KIAA0825: variants seen among roughly 807,000 people sequenced by gnomAD.
KIAA0825 encodes uncharacterized protein KIAA0825.
A neutral mutation model predicts 147.6 loss-of-function variants in KIAA0825; 119 were observed. The ratio of observed to expected loss-of-function variants is 0.81; its 90% CI spans 0.69 to 0.94. The LOEUF is 0.94. Among genes scored for constraint, KIAA0825 ranks in the 40% least tolerant of loss-of-function variants. KIAA0825 has a pLI of 0.00. For synonymous variants in KIAA0825, 470 were observed against 518.1 expected (o/e 0.91, Z 1.26); for missense variants, 1,381 against 1,472.7 (o/e 0.94, Z 1.02).
At chr5:94,382,301 T>C (rs746440800) in intron 20 of KIAA0825, among the ~76,000 whole-genome samples, 4 of 152,230 alleles carry the variant, frequency 2.6e-5, no homozygotes, top group Non-Finnish European at 5.9e-5. Flanking sequence ...CAGATAACCA[T>C]GTTGTCAACA....
At chr5:94,289,175 TC>T (rs1271871138) in intron 20 of KIAA0825, among the ~76,000 whole-genome samples, 1 of 152,204 alleles carries the variant, frequency 6.6e-6, no homozygotes, top group African/African-American at 2.4e-5. Context: ...TCACATGCTT[TC>T]AGTTGTTTGC....
intron 2 of KIAA0825, among the ~76,000 whole-genome samples, chr5:94,563,341 G>C (rs1425129649): frequency 6.8e-6 from 1 of 147,410 alleles, no homozygotes; most frequent in Admixed American, 6.8e-5. Flanking sequence ...CTGGGCAACA[G>C]AGTAAGACTC....
At chr5:94,373,910 CAG>C (rs1483324635) in intron 20 of KIAA0825, among the ~76,000 whole-genome samples, 7 of 151,944 alleles carry the variant, frequency 4.6e-5, no homozygotes. Flanking sequence ...CATAAGCAAA[CAG>C]ATATCCAATA....
chr5:94,224,589 G>A (rs953807854), intron 20 of KIAA0825, among the ~76,000 whole-genome samples: 1 of 152,082 alleles, frequency 6.6e-6, no homozygotes, highest in Non-Finnish European at 1.5e-5. Context: ...GAATCATGAG[G>A]TGATGACTAT....
intron 17 of KIAA0825, among the ~76,000 whole-genome samples, chr5:94,392,081 G>T (rs1254646849): frequency 6.6e-6 from 1 of 152,174 alleles, no homozygotes; most frequent in African/African-American, 2.4e-5. Context: ...TATCTTTGAT[G>T]CCTGAAATAG....
chr5:94,314,794 A>T (rs1352054239), intron 20 of KIAA0825, among the ~76,000 whole-genome samples: 1 of 151,474 alleles, frequency 6.6e-6, no homozygotes, highest in Non-Finnish European at 1.5e-5. Context: ...AGTGTGCTAA[A>T]TTCCTCCCCC....
At chr5:94,240,844 C>T (rs1311574075) in intron 20 of KIAA0825, among the ~76,000 whole-genome samples, 1 of 152,140 alleles carries the variant, frequency 6.6e-6, no homozygotes. Context: ...TGCATTAGCA[C>T]TGAGGTAATA....
At chr5:94,364,958 A>G (rs970506279) in intron 20 of KIAA0825, among the ~76,000 whole-genome samples, 5 of 152,096 alleles carry the variant, frequency 3.3e-5, no homozygotes, top group Admixed American at 3.3e-4. Context: ...CGTGTTCAAA[A>G]TGGCTGCTCC....
chr5:94,552,234 T>C (rs1300049481), intron 2 of KIAA0825, among the ~76,000 whole-genome samples: 2 of 152,160 alleles, frequency 1.3e-5, no homozygotes, highest in East Asian at 1.9e-4. Context: ...ATTCTAAATA[T>C]ATATGCACCC....
intron 1 of KIAA0825, chr5:94,594,473 ATCTCT>A: frequency 1.3e-6 from 1 of 744,668 alleles, no homozygotes; most frequent in Non-Finnish European, 2.5e-6. Flanking sequence ...AAAGAAAAAA[ATCTCT>A]TCTTTATGGA....
At chr5:94,300,971 G>A (rs916960446) in intron 20 of KIAA0825, among the ~76,000 whole-genome samples, 3 of 152,118 alleles carry the variant, frequency 2.0e-5, no homozygotes, top group Non-Finnish European at 2.9e-5. Context: ...TATATGGATA[G>A]GTTTTACTCG....
chr5:94,554,234 A>C (rs1443422253), intron 2 of KIAA0825, among the ~76,000 whole-genome samples: 1 of 152,200 alleles, frequency 6.6e-6, no homozygotes, highest in African/African-American at 2.4e-5. Flanking sequence ...AAGATGTCTG[A>C]GACCAACTCA....
At chr5:94,560,699 T>A (rs1278128204) in intron 2 of KIAA0825, among the ~76,000 whole-genome samples, 1 of 152,210 alleles carries the variant, frequency 6.6e-6, no homozygotes, top group Non-Finnish European at 1.5e-5. Flanking sequence ...AGATCTTAAA[T>A]GGTCACCAAA....
At chr5:94,183,504 A>G (rs1428658904) in intron 20 of KIAA0825, among the ~76,000 whole-genome samples, 1 of 152,186 alleles carries the variant, frequency 6.6e-6, no homozygotes, top group Non-Finnish European at 1.5e-5. Flanking sequence ...TCCCTGAGTA[A>G]CTTTAGGATG....
chr5:94,372,383 T>A (rs1245789221), intron 20 of KIAA0825, among the ~76,000 whole-genome samples: 1 of 152,244 alleles, frequency 6.6e-6, no homozygotes, highest in African/African-American at 2.4e-5. Context: ...TGCCCCTGCA[T>A]CAAACTTCTG....
intron 20 of KIAA0825, among the ~76,000 whole-genome samples, chr5:94,197,557 C>T (rs1373783496): frequency 6.6e-6 from 1 of 152,126 alleles, no homozygotes; most frequent in Non-Finnish European, 1.5e-5. Context: ...AGGCCAATGT[C>T]CAGAATGGCA....
chr5:94,418,775 T>G (rs1337141768), intron 14 of KIAA0825, among the ~76,000 whole-genome samples: 1 of 152,006 alleles, frequency 6.6e-6, no homozygotes, highest in Non-Finnish European at 1.5e-5. Context: ...GAAACAGAAT[T>G]AAGAAAAGGA....
At chr5:94,550,931 A>G (rs1357588890) in intron 2 of KIAA0825, among the ~76,000 whole-genome samples, 1 of 152,070 alleles carries the variant, frequency 6.6e-6, no homozygotes, top group South Asian at 2.1e-4. Flanking sequence ...AGTATTCAAA[A>G]TAATAAAACT....
chr5:94,608,471 T>TACA (rs1367613515), intron 1 of KIAA0825, among the ~76,000 whole-genome samples: 1 of 18,044 alleles, frequency 5.5e-5, no homozygotes, highest in Non-Finnish European at 9.2e-5. Flanking sequence ...ATATTATATA[T>TACA]ATAATATATA....
Sources: allele counts gnomAD v4.1 joint callset (sites outside exome capture counted in the v4.1 genomes callset), GRCh38; gene constraint gnomAD v4.1.1; transcripts MANE v1.5; gene names NCBI Gene and HGNC (gene_info 2026-07-23, HGNC 2026-07-21).